Variants in COL6A2 observed in about 807,000 individuals in gnomAD.
COL6A2 encodes the protein collagen type VI alpha 2 chain.
In COL6A2, 90 loss-of-function variants were observed where a neutral mutation model predicts 124.9. The ratio of observed to expected loss-of-function variants is 0.72; its 90% CI spans 0.61 to 0.86. The LOEUF (loss-of-function observed/expected upper bound fraction) is 0.86. Among genes scored for constraint, COL6A2 ranks in the 40% least tolerant of loss-of-function variants. The pLI is 0.00. For missense variants in COL6A2, 1,607 were observed against 1,502.5 expected (o/e 1.07, Z -1.15); for synonymous variants, 793 against 618.2 (o/e 1.28, Z -4.19).
At chr21:46,100,064 G>A (rs899087406) in intron 1 of COL6A2, among the ~76,000 whole-genome samples, 2 of 151,880 alleles carry the variant, frequency 1.3e-5, no homozygotes, top group African/African-American at 4.8e-5. Context: ...TGTTCCTAAT[G>A]GATGTTCGCT....
At chr21:46,127,108 G>A (rs1158222425) in intron 27 of COL6A2, among the ~76,000 whole-genome samples, 1 of 152,152 alleles carries the variant, frequency 6.6e-6, no homozygotes, top group African/African-American at 2.4e-5. Flanking sequence ...GCTGGACGTG[G>A]TGCTGCCCCC....
chr21:46,102,192 A>G (rs1398039391), intron 1 of COL6A2, among the ~76,000 whole-genome samples: 1 of 151,814 alleles, frequency 6.6e-6, no homozygotes, highest in Non-Finnish European at 1.5e-5. Context: ...TTTCCTTTGG[A>G]TTGTTCATTG....
At chr21:46,121,438 CAGG>C in intron 17 of COL6A2, 115 bp from the exon 18 acceptor site, 1 of 974,878 alleles carries the variant, frequency 1.0e-6, no homozygotes, top group Non-Finnish European at 1.6e-6. Flanking sequence ...CCACAGGCAG[CAGG>C]AGGAGCTGCG....
intron 1 of COL6A2, among the ~76,000 whole-genome samples, chr21:46,106,843 T>C (rs942124812): frequency 6.6e-5 from 10 of 152,370 alleles, no homozygotes; most frequent in African/African-American, 2.2e-4. Context: ...TCACTCTATT[T>C]TTTATTTTGC....
chr21:46,117,435 G>C lies in COL6A2; in HGVS notation c.1035G>C (p.Lys345Asn). 1 of 1,612,764 alleles carries C rather than the reference G, an allele frequency of 6.2e-7. No homozygotes were observed. The highest frequency in any genetic ancestry group is 8.5e-7 in the Non-Finnish European group (1 of 1,179,906). The change falls in exon 11 of 28, where the codon AAG becomes AAC. Residue 345 changes from lysine to asparagine, a missense_variant. By Grantham distance (94) the Lys-to-Asn change is moderately conservative (BLOSUM62 0). This residue lies in a region of COL6A2 where 1,223 missense variants were observed against 1,052.2 expected (regional missense o/e 1.16). Coordinates refer to ENST00000300527, the MANE Select transcript of COL6A2 (RefSeq NM_001849.4). ...GGCGCATCGGACCTCCTGGCTGCAA[G>C]GGAGACCCTGGAAACCGGGTAAGGG... ...KLGRIGPPGC[K>N]GDPGNRGPDG...
intron 24 of COL6A2, 34 bp from the exon 25 acceptor site, chr21:46,125,431 C>G (rs1256067540): frequency 3.7e-6 from 6 of 1,610,952 alleles, no homozygotes; most frequent in Non-Finnish European, 5.1e-6. Context: ...TGAGGTCTCC[C>G]CGGTACCCCC....
intron 21 of COL6A2, among the ~76,000 whole-genome samples, chr21:46,123,148 C>T (rs1181226958): frequency 1.5e-5 from 2 of 137,316 alleles, no homozygotes; most frequent in African/African-American, 2.7e-5. Context: ...CCAGTGACCC[C>T]CCAACATCCC....
At position 46,126,086 on chromosome 21, in the gene COL6A2, C is replaced by G; in HGVS notation, c.2271C>G (p.Ile757Met). ...LCDRDVTVTAIGIGDMFHEKH... is the reference protein window; with the variant it reads ...LCDRDVTVTAMGIGDMFHEKH... ...ACCGCGACGTCACAGTGACGGCCAT[C>G]GGCATCGGGGACATGTTCCACGAGA... The change falls in exon 26 of 28, where the codon ATC becomes ATG. Residue 757 changes from isoleucine to methionine, a missense_variant. Ile to Met is a conservative substitution (Grantham distance 10, BLOSUM62 1). Around this residue, in one of 3 missense-constraint regions of COL6A2, gnomAD observed 1,223 missense variants for 1,052.2 expected, o/e 1.16. Coordinates refer to ENST00000300527, the MANE Select transcript of COL6A2 (RefSeq NM_001849.4). 1 of 1,612,866 alleles carries G rather than the reference C, an allele frequency of 6.2e-7. No individual in the cohort carries two copies. The highest frequency in any genetic ancestry group is 8.5e-7 in the Non-Finnish European group (1 of 1,180,018).
intron 20 of COL6A2, 91 bp downstream of exon 20, chr21:46,122,622 G>A (rs1414788938): frequency 3.5e-6 from 5 of 1,418,936 alleles, no homozygotes; most frequent in East Asian, 2.3e-5. Flanking sequence ...TCACTGACAG[G>A]ACCACCCCTG....
intron 1 of COL6A2, among the ~76,000 whole-genome samples, chr21:46,107,851 C>T (rs181692266): frequency 5.9e-5 from 9 of 152,308 alleles, no homozygotes; most frequent in Admixed American, 3.9e-4. Context: ...ATTGATGTCT[C>T]ATGCCTCCCT....
chr21:46,131,818 G>A (rs2078763590), intron 27 of COL6A2, 136 bp from the exon 28 acceptor site: 3 of 841,788 alleles, frequency 3.6e-6, no homozygotes, highest in South Asian at 3.1e-5. Flanking sequence ...CTGCCCTGCA[G>A]AAACGCCCCC....
chr21:46,118,797 G>A, intron 13 of COL6A2, 121 bp downstream of exon 13: 1 of 1,249,208 alleles, frequency 8.0e-7, no homozygotes, highest in Non-Finnish European at 1.1e-6. Flanking sequence ...GGGCTCTGGG[G>A]ACACGGGGAG....
In COL6A2 at chr21:46,126,223, A is replaced by G. The variant is rs1262486629; in HGVS notation, c.2408A>G (p.Asp803Gly). 3.1e-6 allele frequency: 5 copies of G among 1,599,230 alleles called. No individual in the cohort carries two copies. Among genetic ancestry groups the G allele is most frequent in the East Asian group, 4.5e-5 (2 of 44,750 alleles). Reference protein sequence around the residue: ...VAEKFIDDMEDVLCPDPQIVC... With the variant: ...VAEKFIDDMEGVLCPDPQIVC... ...GAGAAGTTCATCGATGACATGGAGG[A>G]CGTCCTCTGCCCGGGTGAGCGTGTG... The change falls in exon 26 of 28, where the codon GAC (aspartate) becomes GGC (glycine). Residue 803 changes from aspartate (D) to glycine (G), a missense_variant. Transcript: ENST00000300527.
chr21:46,112,644 G>A (rs765528662), intron 3 of COL6A2, 67 bp downstream of exon 3: 161 of 1,595,036 alleles, frequency 1.0e-4, no homozygotes, highest in Non-Finnish European at 1.3e-4. Flanking sequence ...CACCCACTCC[G>A]GGCCTCACTT....
chr21:46,113,807 CTT>C (rs1374529137), intron 4 of COL6A2, 199 bp from the exon 5 acceptor site: 5 of 651,654 alleles, frequency 7.7e-6, no homozygotes, highest in East Asian at 5.5e-5. Flanking sequence ...GAGCCAAACT[CTT>C]TGGCTTGTCC....
In COL6A2 at chr21:46,131,306, C is replaced by T. The variant is rs145618844; in HGVS notation, c.2462-648C>T. Among the ~76,000 whole-genome samples, 402 of 152,328 alleles carry T rather than the reference C, an allele frequency of 2.6e-3. 3 individuals carry two copies. Among genetic ancestry groups the T allele is most frequent in the African/African-American group, 9.0e-3 (374 of 41,570 alleles). ...TATGGCCAGGCCCCCAAGCTGTCCC[C>T]GATGCCCAGGGCTGGTGACCACCCA... is the stretch of plus-strand genomic sequence containing the variant. On this transcript the variant is annotated intron_variant, in intron 27 of 27. Coordinates refer to ENST00000300527, the MANE Select transcript of COL6A2 (RefSeq NM_001849.4).
intron 11 of COL6A2, 101 bp from the exon 12 acceptor site, chr21:46,117,773 G>A (rs947560560): frequency 4.2e-6 from 5 of 1,204,282 alleles, no homozygotes; most frequent in African/African-American, 1.5e-5. Context: ...GTGAGGGTGG[G>A]AGGTGCGTCC....
Position 46,125,493 on chromosome 21 carries a change from C to T in COL6A2, c.1845C>T (p.Asp615=), listed in dbSNP as rs908989305. ...CDCEKRCGAL[D]VVFVIDSSES... is the part of the protein sequence containing the mutation. ...GTGAGAAGCGCTGTGGCGCCCTGGA[C>T]GTGGTCTTCGTCATCGACAGCTCCG... Residue 615 remains aspartate, a synonymous_variant, in exon 25 of 28, where the codon GAC becomes GAT. Coordinates refer to ENST00000300527, the MANE Select transcript of COL6A2 (RefSeq NM_001849.4). The T allele has an allele frequency of 1.9e-6, 3 of 1,612,976 alleles. No homozygotes were observed. Among genetic ancestry groups the T allele is most frequent in the Admixed American group, 1.7e-5 (1 of 60,024 alleles).
At chr21:46,119,905 G>A in intron 15 of COL6A2, 55 bp downstream of exon 15, 1 of 1,459,920 alleles carries the variant, frequency 6.8e-7, no homozygotes, top group East Asian at 2.5e-5. Context: ...CATGGGCCCT[G>A]CTGACGAGGG....
Sources: allele counts gnomAD v4.1 joint callset (sites outside exome capture counted in the v4.1 genomes callset), GRCh38; gene constraint gnomAD v4.1.1; regional missense constraint gnomAD v4.1.1; transcripts MANE v1.5; gene names NCBI Gene and HGNC (gene_info 2026-07-23, HGNC 2026-07-21).